ADGRB3: variants seen among roughly 807,000 people sequenced by gnomAD.
ADGRB3 encodes adhesion G protein-coupled receptor B3, also known as brain-specific angiogenesis inhibitor 3.
In ADGRB3, 37 loss-of-function variants were observed where a neutral mutation model predicts 193.4. The observed-to-expected ratio is 0.19, with a 90% CI of 0.15 to 0.25. The LOEUF is 0.25. Ranked by LOEUF, ADGRB3 falls within the 10% of genes least tolerant of loss-of-function variation. The pLI is 1.00. For missense variants in ADGRB3, 1,637 were observed against 1,852.9 expected (o/e 0.88, Z 2.14); for synonymous variants, 690 against 644.2 (o/e 1.07, Z -1.08).
At chr6:69,267,294 C>T (rs889870555) in intron 20 of ADGRB3, among the ~76,000 whole-genome samples, 1 of 152,052 alleles carries the variant, frequency 6.6e-6, no homozygotes, top group Non-Finnish European at 1.5e-5. Flanking sequence ...TTGGTCTTGT[C>T]CCACATTATG....
At chr6:69,371,178 C>T (rs1225213236) in intron 29 of ADGRB3, among the ~76,000 whole-genome samples, 2 of 152,092 alleles carry the variant, frequency 1.3e-5, no homozygotes, top group African/African-American at 4.8e-5. Context: ...TCACTTAAAA[C>T]ATGAAACCTT....
intron 26 of ADGRB3, among the ~76,000 whole-genome samples, chr6:69,346,376 G>T (rs868783238): frequency 6.6e-6 from 1 of 152,134 alleles, no homozygotes; most frequent in Admixed American, 6.5e-5. Context: ...CATGGTACTG[G>T]TACCAAAACA....
chr6:68,826,084 C>T (rs2127382037), intron 3 of ADGRB3, among the ~76,000 whole-genome samples: 1 of 151,660 alleles, frequency 6.6e-6, no homozygotes, highest in South Asian at 2.1e-4. Flanking sequence ...GACTAGGTGT[C>T]AGACATGATT....
chr6:69,218,650 T>A (rs1345218670), intron 17 of ADGRB3, among the ~76,000 whole-genome samples: 1 of 152,170 alleles, frequency 6.6e-6, no homozygotes, highest in East Asian at 1.9e-4. Context: ...TGACTTTCTA[T>A]AGAGAATCTG....
chr6:69,235,271 G>A (rs532113073), intron 19 of ADGRB3, 136 bp downstream of exon 19: 7 of 708,432 alleles, frequency 9.9e-6, no homozygotes, highest in South Asian at 7.7e-5. Flanking sequence ...GTTATAATTG[G>A]TGTGATTGAG....
chr6:69,388,229 T>C (rs748595509), intron 31 of ADGRB3, among the ~76,000 whole-genome samples: 65 of 152,160 alleles, frequency 4.3e-4, no homozygotes, highest in Admixed American at 9.2e-4. Context: ...GGCATAGTGA[T>C]CTAAATTATT....
chr6:69,260,875 A>G (rs1436315768), intron 20 of ADGRB3, among the ~76,000 whole-genome samples: 3 of 152,162 alleles, frequency 2.0e-5, no homozygotes, highest in Non-Finnish European at 2.9e-5. Context: ...TTTATTATAC[A>G]TCTAAACTAG....
At chr6:68,726,030 ATAT>A (rs906086592) in intron 3 of ADGRB3, among the ~76,000 whole-genome samples, 7 of 150,694 alleles carry the variant, frequency 4.6e-5, no homozygotes, top group Non-Finnish European at 1.0e-4. Flanking sequence ...GAAGCTAATA[ATAT>A]TATTGGCTAT....
At chr6:68,871,491 T>TA (rs1393814371) in intron 3 of ADGRB3, among the ~76,000 whole-genome samples, 2 of 152,082 alleles carry the variant, frequency 1.3e-5, no homozygotes, top group East Asian at 3.9e-4. Flanking sequence ...TTGTACTCAT[T>TA]AAAAAAACTC....
intron 3 of ADGRB3, among the ~76,000 whole-genome samples, chr6:68,886,368 T>C (rs1765907960): frequency 6.6e-6 from 1 of 152,134 alleles, no homozygotes; most frequent in Non-Finnish European, 1.5e-5. Context: ...GTCTCTCTTC[T>C]AACAGGAGCA....
intron 5 of ADGRB3, among the ~76,000 whole-genome samples, chr6:68,939,219 A>G (rs1450638249): frequency 6.6e-6 from 1 of 152,172 alleles, no homozygotes; most frequent in Admixed American, 6.5e-5. Context: ...TTTAAATTAA[A>G]GTTTTTCGTC....
chr6:68,744,711 T>A (rs1214983935), intron 3 of ADGRB3, among the ~76,000 whole-genome samples: 1 of 151,754 alleles, frequency 6.6e-6, no homozygotes, highest in Non-Finnish European at 1.5e-5. Flanking sequence ...CACAGGAAGG[T>A]GAACATCACA....
At chr6:68,681,527 A>G (rs1461236608) in intron 3 of ADGRB3, among the ~76,000 whole-genome samples, 3 of 151,958 alleles carry the variant, frequency 2.0e-5, no homozygotes, top group Non-Finnish European at 4.4e-5. Context: ...AAGTCCTTTC[A>G]CCATGGCCTC....
At chr6:68,714,144 A>G (rs1340341667) in intron 3 of ADGRB3, among the ~76,000 whole-genome samples, 1 of 151,774 alleles carries the variant, frequency 6.6e-6, no homozygotes, top group East Asian at 1.9e-4. Flanking sequence ...GAAAACTTTT[A>G]TAAAATACTT....
At chr6:69,263,788 A>C (rs1322742706) in intron 20 of ADGRB3, among the ~76,000 whole-genome samples, 1 of 151,954 alleles carries the variant, frequency 6.6e-6, no homozygotes, top group African/African-American at 2.4e-5. Flanking sequence ...AGGGAGTCTT[A>C]ATGATTAACT....
At chr6:68,791,566 C>T (rs1037561095) in intron 3 of ADGRB3, among the ~76,000 whole-genome samples, 12 of 152,050 alleles carry the variant, frequency 7.9e-5, no homozygotes, top group Admixed American at 1.3e-4. Flanking sequence ...TTGTCTTAAT[C>T]GGCAAACTAG....
At chr6:68,984,982 G>C (rs1353981614) in intron 10 of ADGRB3, among the ~76,000 whole-genome samples, 2 of 152,030 alleles carry the variant, frequency 1.3e-5, no homozygotes, top group Admixed American at 1.3e-4. Flanking sequence ...CTTTCCAAGA[G>C]AGATGAAAAG....
intron 3 of ADGRB3, among the ~76,000 whole-genome samples, chr6:68,727,380 A>G (rs997132481): frequency 3.3e-5 from 5 of 151,620 alleles, no homozygotes; most frequent in East Asian, 1.9e-4. Context: ...GGTTAAAGAA[A>G]CATATGTCAT....
chr6:68,729,220 G>T (rs190738236), intron 3 of ADGRB3, among the ~76,000 whole-genome samples: 1 of 151,708 alleles, frequency 6.6e-6, no homozygotes, highest in East Asian at 1.9e-4. Flanking sequence ...GAGCTACTGT[G>T]AAAGCTTTCC....
Sources: allele counts gnomAD v4.1 joint callset (sites outside exome capture counted in the v4.1 genomes callset), GRCh38; gene constraint gnomAD v4.1.1; transcripts MANE v1.5; gene names NCBI Gene and HGNC (gene_info 2026-07-23, HGNC 2026-07-21).